The following MICU1 variants were observed in gnomAD, a reference collection of about 807,000 sequenced individuals.
The protein encoded by MICU1 is mitochondrial calcium uptake 1, also known as calcium uptake protein 1, mitochondrial.
In MICU1, 45 loss-of-function variants were observed where a neutral mutation model predicts 56.8. That is an observed-to-expected ratio of 0.79 (90% CI 0.62 to 1.02). The LOEUF (loss-of-function observed/expected upper bound fraction) is 1.02, where lower values mean the gene tolerates loss of function less well. MICU1 is among the 50% of genes least tolerant of loss of function. The pLI is 0.00. For synonymous variants in MICU1, 186 were observed against 195.1 expected, an observed-to-expected ratio of 0.95 and a Z score of 0.39; for missense variants, 504 against 587.1, an observed-to-expected ratio of 0.86 and a Z score of 1.46.
intron 1 of MICU1, among the ~76,000 whole-genome samples, chr10:72,595,988 T>C (rs1451704439): frequency 1.3e-5 from 2 of 150,200 alleles, no homozygotes; most frequent in Non-Finnish European, 3.0e-5. Flanking sequence ...TTTTTTTCTT[T>C]TTTTTTTTTT....
intron 1 of MICU1, among the ~76,000 whole-genome samples, chr10:72,579,912 T>C (rs774807419): frequency 4.4e-4 from 67 of 152,086 alleles, no homozygotes; most frequent in Non-Finnish European, 1.0e-4. Context: ...AGACATCTCA[T>C]TATGTATATC....
chr10:72,611,475 G>C (rs1056269735), intron 1 of MICU1, among the ~76,000 whole-genome samples: 2 of 151,884 alleles, frequency 1.3e-5, no homozygotes, highest in Non-Finnish European at 2.9e-5. Context: ...ACAAAAATTA[G>C]CTGGGTGTGG....
chr10:72,449,690 G>A (rs576021852), intron 8 of MICU1, among the ~76,000 whole-genome samples: 4 of 151,990 alleles, frequency 2.6e-5, no homozygotes, highest in African/African-American at 4.8e-5. Context: ...AAACATAAAC[G>A]ATACTTCTCA....
intron 8 of MICU1, among the ~76,000 whole-genome samples, chr10:72,432,641 G>A (rs1447687652): frequency 6.6e-6 from 1 of 152,148 alleles, no homozygotes. Flanking sequence ...GAGTAAAGAG[G>A]AAAAGAGAGG....
intron 9 of MICU1, among the ~76,000 whole-genome samples, chr10:72,408,814 AG>A (rs1863714197): frequency 6.6e-6 from 1 of 152,228 alleles, no homozygotes; most frequent in Admixed American, 6.5e-5. Flanking sequence ...AGTGATATAC[AG>A]GGGAACGGTG....
intron 8 of MICU1, among the ~76,000 whole-genome samples, chr10:72,464,295 C>CAAAA (rs58499998): frequency 1.2e-4 from 12 of 100,022 alleles, no homozygotes; most frequent in African/African-American, 4.9e-4. Context: ...GATTCTGTCT[C>CAAAA]AAAAAAAAAA....
chr10:72,567,789 AGG>A (rs1334313829), intron 1 of MICU1, among the ~76,000 whole-genome samples: 2 of 152,208 alleles, frequency 1.3e-5, no homozygotes, highest in Admixed American at 1.3e-4. Context: ...CAAGCCACAA[AGG>A]GCACACTAGA....
intron 6 of MICU1, among the ~76,000 whole-genome samples, chr10:72,494,704 T>C (rs911928090): frequency 1.3e-5 from 2 of 151,988 alleles, no homozygotes; most frequent in Non-Finnish European, 1.5e-5. Context: ...AAAAGGGTTT[T>C]AAAATTTCAT....
intron 4 of MICU1, among the ~76,000 whole-genome samples, chr10:72,546,760 C>G (rs890830757): frequency 6.6e-6 from 1 of 152,108 alleles, no homozygotes. Flanking sequence ...GGGTCTCACA[C>G]TGTTGCCCAG....
At chr10:72,585,934 C>A (rs549258668) in intron 1 of MICU1, among the ~76,000 whole-genome samples, 2 of 150,396 alleles carry the variant, frequency 1.3e-5, no homozygotes, top group Non-Finnish European at 3.0e-5. Context: ...GTAAATACTA[C>A]GTAAATAGTT....
chr10:72,519,238 T>C (rs1440360832), intron 5 of MICU1, among the ~76,000 whole-genome samples: 2 of 152,192 alleles, frequency 1.3e-5, no homozygotes, highest in Non-Finnish European at 2.9e-5. Flanking sequence ...ATGAACAAAA[T>C]ATAACTGTTT....
rs1432031901 is a variant in MICU1, at chr10:72,443,765, T to C, written c.934-20394A>G. On this transcript the variant is annotated intron_variant, in intron 8 of 11. Coordinates refer to ENST00000361114, the MANE Select transcript of MICU1 (RefSeq NM_001195518.2). The stretch of plus-strand genomic sequence containing the variant: ...GTGGAGAAATAGGAACACTTTTACA[T>C]TGTTGGTGGGACTGTAAACTAGTTC... Among the ~76,000 whole-genome samples, 423 of 150,280 alleles carry C rather than the reference T, an allele frequency of 2.8e-3. 3 individuals are homozygous for C. The highest frequency in any genetic ancestry group is 9.5e-3 in the African/African-American group (388 of 40,816).
chr10:72,506,004 A>AAC (rs1554882630), intron 6 of MICU1, among the ~76,000 whole-genome samples: 1 of 151,532 alleles, frequency 6.6e-6, no homozygotes, highest in African/African-American at 2.4e-5. Context: ...AGCAAAAAAA[A>AAC]AAAAAAACTA....
chr10:72,535,624 A>G (rs1839613651), intron 4 of MICU1, among the ~76,000 whole-genome samples: 1 of 152,192 alleles, frequency 6.6e-6, no homozygotes, highest in African/African-American at 2.4e-5. Context: ...ACTTCAGTGT[A>G]TCCTTGTGAA....
At chr10:72,578,630 CAG>C (rs1840815763) in intron 1 of MICU1, among the ~76,000 whole-genome samples, 1 of 151,920 alleles carries the variant, frequency 6.6e-6, no homozygotes, top group South Asian at 2.1e-4. Flanking sequence ...TGTTTTGAGA[CAG>C]AGTCTCGCTT....
chr10:72,406,030 T>A (rs546304287), intron 10 of MICU1, among the ~76,000 whole-genome samples: 5 of 151,920 alleles, frequency 3.3e-5, no homozygotes, highest in African/African-American at 9.6e-5. Context: ...AATTTTTTTT[T>A]AAAAAAGGAG....
At chr10:72,472,987 C>T (rs1283899858) in intron 8 of MICU1, 1 of 152,450 alleles carries the variant, frequency 6.6e-6, no homozygotes, top group African/African-American at 2.4e-5. Context: ...GTCATCCCAG[C>T]TATTCAGGAG....
intron 6 of MICU1, among the ~76,000 whole-genome samples, chr10:72,505,746 T>C (rs550395270): frequency 6.6e-6 from 1 of 151,978 alleles, no homozygotes. Context: ...CATTTATAAG[T>C]GGGAGCTAAA....
intron 10 of MICU1, among the ~76,000 whole-genome samples, chr10:72,386,636 T>C (rs1426831896): frequency 2.0e-5 from 3 of 150,002 alleles, no homozygotes; most frequent in African/African-American, 4.9e-5. Flanking sequence ...CATAGCTCAC[T>C]GTACCCTCAA....
Sources: allele counts gnomAD v4.1 joint callset (sites outside exome capture counted in the v4.1 genomes callset), GRCh38; gene constraint gnomAD v4.1.1; transcripts MANE v1.5; gene names NCBI Gene and HGNC (gene_info 2026-07-23, HGNC 2026-07-21).